The following C2orf92 variants were observed in gnomAD, a reference collection of about 807,000 sequenced individuals.
The protein encoded by C2orf92 is uncharacterized protein C2orf92.
At chr2:97,689,263 C>A (rs1457437983) in intron 4 of C2orf92, among the ~76,000 whole-genome samples, 2 of 152,186 alleles carry the variant, frequency 1.3e-5, no homozygotes, top group Non-Finnish European at 2.9e-5. Context: ...TGGAGGCATT[C>A]AGAGGACAGA....
upstream of C2orf92, chr2:97,665,842 A>G (rs1280405460): frequency 6.7e-6 from 1 of 150,268 alleles, no homozygotes; most frequent in Non-Finnish European, 1.5e-5. Flanking sequence ...CAGTTGCCTG[A>G]TATCAGCTCA....
chr2:97,679,022 G>T lies in C2orf92; in HGVS notation c.232+3094G>T, dbSNP rs183049759. ...TAAAAAGGAAAATACTGTCAAGCAA[G>T]AATTCTCTATCTGACAAAATTATCT... On this transcript the variant is annotated intron_variant, in intron 3 of 7. Transcript: ENST00000627399. Among the ~76,000 whole-genome samples the T allele has an allele frequency of 7.3e-5, 11 of 150,922 alleles. No homozygotes were observed. The East Asian group carries it at 1.9e-3, about 27-fold the overall frequency.
At chr2:97,681,873 G>C (rs1471466957) in intron 3 of C2orf92, among the ~76,000 whole-genome samples, 1 of 151,644 alleles carries the variant, frequency 6.6e-6, no homozygotes. Flanking sequence ...AAAAGGGGGG[G>C]GATCTTAAAT....
At chr2:97,675,117 C>A (rs1675534564) in intron 2 of C2orf92, among the ~76,000 whole-genome samples, 1 of 152,114 alleles carries the variant, frequency 6.6e-6, no homozygotes, top group African/African-American at 2.4e-5. Flanking sequence ...GCCACATATG[C>A]AAAAATAATG....
At chr2:97,701,513 C>T (rs1367352814) in intron 7 of C2orf92, among the ~76,000 whole-genome samples, 2 of 152,168 alleles carry the variant, frequency 1.3e-5, no homozygotes, top group Non-Finnish European at 2.9e-5. Flanking sequence ...GATGCACAGC[C>T]GGGTTTGGGG....
At chr2:97,686,453 C>G (rs752690258) in intron 3 of C2orf92, among the ~76,000 whole-genome samples, 3 of 151,808 alleles carry the variant, frequency 2.0e-5, no homozygotes, top group Non-Finnish European at 2.9e-5. Context: ...GGAGTCTTGC[C>G]CTGTCACCCA....
intron 3 of C2orf92, among the ~76,000 whole-genome samples, chr2:97,686,699 T>G (rs1675976156): frequency 6.6e-6 from 1 of 151,582 alleles, no homozygotes; most frequent in Non-Finnish European, 1.5e-5. Flanking sequence ...ATTACAGGCA[T>G]GAGCCACCGT....
chr2:97,665,038 A>G (rs1180761929), upstream of C2orf92, among the ~76,000 whole-genome samples: 1 of 152,220 alleles, frequency 6.6e-6, no homozygotes, highest in Non-Finnish European at 1.5e-5. Flanking sequence ...CAACAATATC[A>G]GGTAGTTGTA....
chr2:97,677,018 A>G (rs1430619383), intron 3 of C2orf92, among the ~76,000 whole-genome samples: 1 of 152,206 alleles, frequency 6.6e-6, no homozygotes, highest in African/African-American at 2.4e-5. Context: ...GAACTATGTT[A>G]AGTAGCTATG....
chr2:97,665,727 CTCTCTCTCTCTATATA>C (rs1448918776), upstream of C2orf92: 81 of 33,628 alleles, frequency 2.4e-3, no homozygotes, highest in African/African-American at 6.2e-3. Context: ...CTCTCTCTCT[CTCTCTCTCTCTATATA>C]TATATATATA....
At chr2:97,683,918 G>A (rs1675865607) in intron 3 of C2orf92, among the ~76,000 whole-genome samples, 1 of 151,968 alleles carries the variant, frequency 6.6e-6, no homozygotes, top group Non-Finnish European at 1.5e-5. Context: ...GTGCAGGAGT[G>A]CAGTGGCGCG....
intron 4 of C2orf92, among the ~76,000 whole-genome samples, chr2:97,689,705 G>T (rs989132607): frequency 6.6e-6 from 1 of 152,192 alleles, no homozygotes; most frequent in Non-Finnish European, 1.5e-5. Flanking sequence ...CCTGAGGGTA[G>T]CCCAGGACAA....
At chr2:97,675,070 C>T (rs987946425) in intron 2 of C2orf92, among the ~76,000 whole-genome samples, 6 of 152,192 alleles carry the variant, frequency 3.9e-5, no homozygotes, top group Middle Eastern at 3.2e-3. Context: ...TCTTCCAGCA[C>T]TGATGCTCCA....
intron 3 of C2orf92, among the ~76,000 whole-genome samples, chr2:97,686,154 C>T (rs773124073): frequency 2.1e-4 from 32 of 152,166 alleles, no homozygotes; most frequent in Admixed American, 3.9e-4. Flanking sequence ...AGGTGGAAAG[C>T]GGAAATGCCA....
intron 1 of C2orf92, chr2:97,671,868 A>G (rs1199101388): frequency 5.2e-6 from 1 of 191,600 alleles, no homozygotes; most frequent in Non-Finnish European, 1.1e-5. Context: ...CCCTGGGGCA[A>G]TCCTCTTTTT....
At chr2:97,665,750 TATA>T, upstream of C2orf92, 1 of 50,358 alleles carries the variant, frequency 2.0e-5, no homozygotes, top group Non-Finnish European at 5.9e-5. Flanking sequence ...TATATATATA[TATA>T]TATATATATA....
At chr2:97,678,845 G>A (rs1675668699) in intron 3 of C2orf92, among the ~76,000 whole-genome samples, 1 of 151,182 alleles carries the variant, frequency 6.6e-6, no homozygotes, top group Admixed American at 6.6e-5. Flanking sequence ...GGGTGTGATG[G>A]TGCACACCTG....
chr2:97,690,108 G>A (rs1676077744), intron 4 of C2orf92, 148 bp from the exon 5 acceptor site: 1 of 345,530 alleles, frequency 2.9e-6, no homozygotes, highest in African/African-American at 2.1e-5. Flanking sequence ...TCCAGCCTGG[G>A]TGACTGCGAG....
intron 3 of C2orf92, among the ~76,000 whole-genome samples, chr2:97,680,129 G>A (rs1044031415): frequency 2.2e-4 from 34 of 151,888 alleles, no homozygotes; most frequent in Admixed American, 1.4e-3. Flanking sequence ...GTGAAACCCC[G>A]TCTTTACTAA....
Sources: gnomAD v4.1 joint callset for allele counts (sites outside exome capture counted in the v4.1 genomes callset) on GRCh38, gnomAD v4.1.1 for gene constraint, MANE v1.5 for transcripts, NCBI Gene and HGNC (gene_info 2026-07-23, HGNC 2026-07-21) for gene names.